The following CTNNA3 variants were observed in gnomAD, a reference collection of about 807,000 sequenced individuals.
The protein encoded by CTNNA3 is catenin alpha 3, also known as catenin alpha-3.
Under a neutral mutation model 95.7 loss-of-function variants are expected in CTNNA3, and 76 were observed. The ratio of observed to expected loss-of-function variants is 0.79; its 90% CI spans 0.66 to 0.96. The LOEUF (loss-of-function observed/expected upper bound fraction) is 0.96. Among genes scored for constraint, CTNNA3 ranks in the 40% least tolerant of loss-of-function variants. CTNNA3 has a pLI of 0.00. For synonymous variants in CTNNA3, 431 were observed against 374.4 expected, an observed-to-expected ratio of 1.15 and a Z score of -1.74; for missense variants, 1,191 against 1,089.8, an observed-to-expected ratio of 1.09 and a Z score of -1.31.
intron 17 of CTNNA3, among the ~76,000 whole-genome samples, chr10:65,965,109 C>T (rs2077929123): frequency 6.6e-6 from 1 of 152,140 alleles, no homozygotes; most frequent in Non-Finnish European, 1.5e-5. Flanking sequence ...CTAACAACCA[C>T]TGGAATAAAA....
At chr10:66,945,178 C>A (rs1430818551) in intron 7 of CTNNA3, among the ~76,000 whole-genome samples, 2 of 152,186 alleles carry the variant, frequency 1.3e-5, no homozygotes, top group Non-Finnish European at 2.9e-5. Flanking sequence ...TAGATGGCAT[C>A]TTTTTCCACT....
chr10:65,913,600 C>T lies in CTNNA3; in HGVS notation c.*6730G>A, dbSNP rs750015735. On this transcript the variant is annotated 3_prime_UTR_variant, in exon 18 of 18. Coordinates refer to ENST00000433211, the MANE Select transcript of CTNNA3 (RefSeq NM_013266.4). ...CAATGTATACTAACATGTAAAAATA[C>T]AGCATTATAATGGTATAAGATTTGG... is the stretch of plus-strand genomic sequence containing the variant. The T allele has an allele frequency of 1.5e-4, 23 of 152,168 alleles. No homozygotes were observed. Among genetic ancestry groups the T allele is most frequent in the Middle Eastern group, 3.4e-3 (1 of 294 alleles). 9.4% of individuals were successfully genotyped at this position (152,168 alleles called of 1,614,324 possible).
At chr10:66,468,139 C>T (rs956992118) in intron 11 of CTNNA3, among the ~76,000 whole-genome samples, 24 of 151,754 alleles carry the variant, frequency 1.6e-4, no homozygotes, top group African/African-American at 4.6e-4. Context: ...GTTGGCTGTC[C>T]GAAGGAGCAT....
intron 7 of CTNNA3, among the ~76,000 whole-genome samples, chr10:67,120,105 A>C (rs947227054): frequency 6.6e-6 from 1 of 151,940 alleles, no homozygotes; most frequent in African/African-American, 2.4e-5. Context: ...CTGAATTACA[A>C]AGAGAAGTCA....
At chr10:67,624,345 C>T (rs559310940) in intron 2 of CTNNA3, among the ~76,000 whole-genome samples, 4 of 152,134 alleles carry the variant, frequency 2.6e-5, no homozygotes, top group Admixed American at 6.5e-5. Context: ...TCATGCTCTG[C>T]GGGCCCAACA....
chr10:66,169,627 A>G (rs1438574172), intron 13 of CTNNA3, among the ~76,000 whole-genome samples: 1 of 152,146 alleles, frequency 6.6e-6, no homozygotes, highest in African/African-American at 2.4e-5. Context: ...TGTACTGTTT[A>G]CCTTCCCACC....
chr10:67,289,127 A>T (rs898978334), intron 5 of CTNNA3, among the ~76,000 whole-genome samples: 4 of 152,306 alleles, frequency 2.6e-5, no homozygotes, highest in South Asian at 4.1e-4. Flanking sequence ...ACTTAGATAA[A>T]AAGTAATTAT....
At chr10:66,393,813 T>C (rs1021058265) in intron 11 of CTNNA3, among the ~76,000 whole-genome samples, 2 of 152,042 alleles carry the variant, frequency 1.3e-5, no homozygotes, top group Non-Finnish European at 2.9e-5. Flanking sequence ...TGGAGCAAAA[T>C]AGAGCCTTTG....
intron 2 of CTNNA3, among the ~76,000 whole-genome samples, chr10:67,619,293 A>G (rs1421730513): frequency 6.6e-6 from 1 of 152,236 alleles, no homozygotes; most frequent in Non-Finnish European, 1.5e-5. Flanking sequence ...AATAGAATAG[A>G]GAACCCAATA....
At chr10:67,385,519 C>T (rs1026699305) in intron 5 of CTNNA3, among the ~76,000 whole-genome samples, 6 of 152,192 alleles carry the variant, frequency 3.9e-5, no homozygotes, top group Non-Finnish European at 7.3e-5. Context: ...CAGCCTTCTT[C>T]ACAAACTCTA....
intron 7 of CTNNA3, among the ~76,000 whole-genome samples, chr10:67,143,260 G>T (rs562865982): frequency 6.8e-4 from 103 of 151,380 alleles, no homozygotes; most frequent in South Asian, 3.1e-3. Context: ...TGCCAACATG[G>T]CAAAACACCA....
chr10:67,161,774 T>G (rs989575111), intron 7 of CTNNA3, among the ~76,000 whole-genome samples: 1 of 152,054 alleles, frequency 6.6e-6, no homozygotes, highest in East Asian at 1.9e-4. Context: ...CTCAACTACA[T>G]GCTATCCTTA....
intron 13 of CTNNA3, among the ~76,000 whole-genome samples, chr10:66,278,713 A>T (rs2091442546): frequency 6.6e-6 from 1 of 152,082 alleles, no homozygotes; most frequent in Non-Finnish European, 1.5e-5. Context: ...AGAAAAATGC[A>T]TTCCGTACCC....
At chr10:67,009,715 CAG>C in intron 7 of CTNNA3, among the ~76,000 whole-genome samples, 1 of 152,054 alleles carries the variant, frequency 6.6e-6, no homozygotes, top group Admixed American at 6.6e-5. Context: ...AGAGAAAAAA[CAG>C]GAGCAGTTTG....
At chr10:66,637,270 C>T (rs1460650300) in intron 9 of CTNNA3, among the ~76,000 whole-genome samples, 1 of 152,200 alleles carries the variant, frequency 6.6e-6, no homozygotes, top group Non-Finnish European at 1.5e-5. Context: ...TATTACAATA[C>T]TTCCTATGTA....
intron 5 of CTNNA3, among the ~76,000 whole-genome samples, chr10:67,310,370 C>A (rs1394448196): frequency 6.6e-6 from 1 of 152,092 alleles, no homozygotes; most frequent in Non-Finnish European, 1.5e-5. Flanking sequence ...GCACTAAAAC[C>A]AGCTGTGATG....
chr10:67,614,115 C>T (rs542875642), intron 2 of CTNNA3, among the ~76,000 whole-genome samples: 4 of 152,278 alleles, frequency 2.6e-5, no homozygotes, highest in Middle Eastern at 3.4e-3. Context: ...TATTTGTCCC[C>T]GCCCATGTCC....
At chr10:67,101,568 A>C (rs1056710773) in intron 7 of CTNNA3, among the ~76,000 whole-genome samples, 4 of 151,702 alleles carry the variant, frequency 2.6e-5, no homozygotes, top group African/African-American at 9.7e-5. Flanking sequence ...TCAAGTCTCT[A>C]TTTCTAGTCC....
chr10:67,504,451 A>AAAAAAAAAAAAAAAAAAATAAAAAC (rs1564699349), intron 5 of CTNNA3, among the ~76,000 whole-genome samples: 1 of 143,532 alleles, frequency 7.0e-6, no homozygotes, highest in South Asian at 2.5e-4. Flanking sequence ...AAAAAAAAAA[A>AAAAAAAAAAAAAAAAAAATAAAAAC]AAAAAAAAAC....
Sources: allele counts gnomAD v4.1 joint callset (sites outside exome capture counted in the v4.1 genomes callset), GRCh38; gene constraint gnomAD v4.1.1; transcripts MANE v1.5; gene names NCBI Gene and HGNC (gene_info 2026-07-23, HGNC 2026-07-21).